Variants in CEP126 observed in about 807,000 individuals in gnomAD.
The protein encoded by CEP126 is centrosomal protein 126.
Under a neutral mutation model 107.8 loss-of-function variants are expected in CEP126, and 74 were observed. That is an observed-to-expected ratio of 0.69 (90% confidence interval 0.57 to 0.83). The LOEUF (loss-of-function observed/expected upper bound fraction) is 0.83. Ranked by LOEUF, CEP126 falls within the 40% of genes least tolerant of loss-of-function variation. The pLI is 0.00. For missense variants in CEP126, 1,237 were observed against 1,281.9 expected (o/e 0.96, Z 0.53); for synonymous variants, 449 against 446.0 (o/e 1.01, Z -0.08).
At chr11:101,927,878 G>T (rs999896690) in intron 2 of CEP126, among the ~76,000 whole-genome samples, 17 of 152,134 alleles carry the variant, frequency 1.1e-4, no homozygotes, top group Admixed American at 3.3e-4. Context: ...ACAGGTTTTT[G>T]TATAAACATA....
intron 2 of CEP126, among the ~76,000 whole-genome samples, chr11:101,928,972 G>C (rs1391428833): frequency 1.3e-5 from 2 of 152,188 alleles, no homozygotes; most frequent in Non-Finnish European, 2.9e-5. Context: ...AATGTGGGAT[G>C]GGGAAAACTG....
In CEP126 at chr11:101,948,041, A is replaced by C. The variant is rs773031488; in HGVS notation, c.405A>C (p.Lys135Asn). 1 of 1,607,752 alleles carries C rather than the reference A, an allele frequency of 6.2e-7. No homozygotes were observed. The highest frequency in any genetic ancestry group is 1.1e-5 in the South Asian group (1 of 90,362). ...TTATTATCTCTTTAGTTTCCCGAAA[A>C]CCAGTTCCTCCATTAGAAGAGGCCC... ...LSQRRKAVSR[K>N]PVPPLEEALK... Residue 135 changes from lysine to asparagine, a missense_variant, in exon 4 of 11, where the codon AAA (lysine) becomes AAC (asparagine). By Grantham distance (94) the Lys-to-Asn change is moderately conservative (BLOSUM62 0). Transcript: ENST00000263468.
chr11:101,986,504 A>T (rs977526959), intron 8 of CEP126, among the ~76,000 whole-genome samples: 5 of 152,120 alleles, frequency 3.3e-5, no homozygotes, highest in African/African-American at 1.2e-4. Context: ...AGTCTTCTTC[A>T]TCTTTTTTGT....
At chr11:101,929,568 T>C (rs925033913) in intron 2 of CEP126, among the ~76,000 whole-genome samples, 4 of 152,224 alleles carry the variant, frequency 2.6e-5, no homozygotes, top group Middle Eastern at 3.4e-3. Context: ...TGCTGGATGG[T>C]AGTGAAAGTC....
chr11:101,955,357 A>G (rs1940871120), intron 4 of CEP126, among the ~76,000 whole-genome samples: 1 of 152,266 alleles, frequency 6.6e-6, no homozygotes, highest in South Asian at 2.1e-4. Context: ...AAACTTTAAT[A>G]AAATGATACT....
In CEP126 at chr11:101,963,611, C is replaced by A; in HGVS notation, c.2576C>A (p.Ser859Tyr). ...AATCAGTGGAATCAGGAAAGTAGTT[C>A]TCCACTCTCAAATGCTTGTTCTGAC... Reference protein sequence around the residue: ...SLNQWNQESSSPLSNACSDLV... With the variant: ...SLNQWNQESSYPLSNACSDLV... Residue 859 changes from serine (S) to tyrosine (Y), a missense_variant, in exon 6 of 11, where the codon TCT becomes TAT. Coordinates refer to ENST00000263468, the MANE Select transcript of CEP126 (RefSeq NM_020802.4). The A allele has an allele frequency of 6.2e-7, 1 of 1,614,056 alleles. No individual in the cohort carries two copies. Among genetic ancestry groups the A allele is most frequent in the Non-Finnish European group, 8.5e-7 (1 of 1,179,968 alleles).
In CEP126 at chr11:101,932,133, A is replaced by G. The variant is rs567512399; in HGVS notation, c.248+9373A>G. 5.3e-5 allele frequency among the ~76,000 whole-genome samples: 8 copies of G among 152,336 alleles called. No individual in the cohort carries two copies. The East Asian group carries it at 9.6e-4, about 18-fold the overall frequency. On this transcript the variant is annotated intron_variant, in intron 2 of 10. Transcript: ENST00000263468. ...GAAAATCTTTCTCATTTTTATTGCC[A>G]TTTCCTTCTATTCTCACAGCATTTA...
At chr11:101,946,239 C>T (rs1451730362) in intron 3 of CEP126, among the ~76,000 whole-genome samples, 1 of 152,072 alleles carries the variant, frequency 6.6e-6, no homozygotes, top group Admixed American at 6.5e-5. Flanking sequence ...GCCGAGGTGG[C>T]TTATGCCTGT....
chr11:101,985,109 T>A (rs1428855825), intron 8 of CEP126, among the ~76,000 whole-genome samples: 2 of 151,330 alleles, frequency 1.3e-5, no homozygotes, highest in Non-Finnish European at 3.0e-5. Context: ...GAGTCAGGAA[T>A]AACAGTGATA....
intron 2 of CEP126, 84 bp from the exon 3 acceptor site, chr11:101,944,178 CATT>C (rs946431481): frequency 5.9e-5 from 71 of 1,201,140 alleles, no homozygotes; most frequent in Admixed American, 3.1e-4. Flanking sequence ...AATATGAAAA[CATT>C]GTTATATAAT....
Position 101,985,989 on chromosome 11 carries a change from TTTC to T in CEP126, c.3035-840_3035-838del, listed in dbSNP as rs1347221277. Among the ~76,000 whole-genome samples, 132 of 106,368 alleles carry T rather than the reference TTTC, an allele frequency of 1.2e-3. 3 individuals are homozygous for T. The highest frequency in any genetic ancestry group is 4.6e-3 in the African/African-American group (116 of 25,080). The allele number at this position is 106,368 out of a possible 152,430, so 69.8% of individuals were successfully genotyped here. A position where few individuals can be genotyped will look rare whatever the true frequency, so the allele number is the denominator to read the frequency against. On this transcript the variant is annotated intron_variant, in intron 8 of 10. Transcript: ENST00000263468. The stretch of plus-strand genomic sequence containing the variant: ...AGTGGGAAGTAAAACTCTGAATTGA[TTTC>T]TTTTTTTTTTTTTTTTTTTTGAGAC...
rs1041880036 is a variant in CEP126 at position 101,962,520 on chromosome 11, T to C, written c.1485T>C (p.Asp495=). The C allele has an allele frequency of 1.2e-6, 2 of 1,613,052 alleles. No homozygotes were observed. The highest frequency in any genetic ancestry group is 1.7e-5 in the Admixed American group (1 of 59,864). ...IDAVQCSDKL[D]ELKDGKEEEI... ...CAGTGCAGTGTTCTGATAAGTTAGA[T>C]GAATTGAAAGATGGTAAAGAAGAAG... is the stretch of plus-strand genomic sequence containing the variant. Residue 495 remains aspartate, a synonymous_variant, in exon 6 of 11, where the codon GAT becomes GAC. Transcript: ENST00000263468.
At chr11:101,957,918 C>G (rs1940920747) in intron 4 of CEP126, among the ~76,000 whole-genome samples, 1 of 152,152 alleles carries the variant, frequency 6.6e-6, no homozygotes, top group Admixed American at 6.5e-5. Flanking sequence ...TAATCAAAGC[C>G]ATGAATTACT....
intron 2 of CEP126, among the ~76,000 whole-genome samples, chr11:101,932,848 C>T (rs1400065814): frequency 6.6e-6 from 1 of 152,090 alleles, no homozygotes; most frequent in Non-Finnish European, 1.5e-5. Context: ...TAGCTTGCCT[C>T]ACTAAATAAT....
intron 8 of CEP126, among the ~76,000 whole-genome samples, chr11:101,982,977 C>T (rs1941274587): frequency 6.6e-6 from 1 of 152,116 alleles, no homozygotes; most frequent in South Asian, 2.1e-4. Flanking sequence ...TATATCTTTC[C>T]CATGCACACC....
chr11:101,945,934 G>T (rs1940730015), intron 3 of CEP126, among the ~76,000 whole-genome samples: 1 of 152,110 alleles, frequency 6.6e-6, no homozygotes, highest in Admixed American at 6.5e-5. Flanking sequence ...ATTAGGTGGG[G>T]AACTAGGGGT....
intron 2 of CEP126, among the ~76,000 whole-genome samples, chr11:101,935,561 C>T (rs916855900): frequency 6.6e-6 from 1 of 151,942 alleles, no homozygotes; most frequent in Non-Finnish European, 1.5e-5. Flanking sequence ...TTAGTTGCTC[C>T]AGCACCATTT....
Position 101,986,846 on chromosome 11 carries a change from T to A in CEP126, c.3049T>A (p.Ser1017Thr). ...AGTTTCTGTAGTTTCAGATAGTACT[T>A]CTGAGTTTTTGATGGCTGAAAACTT... The part of the protein sequence containing the change: ...SYIEEVSDST[S>T]EFLMAENLVK... Residue 1017 changes from serine to threonine, a missense_variant, in exon 9 of 11, where the codon TCT becomes ACT. Coordinates refer to ENST00000263468, the MANE Select transcript of CEP126 (RefSeq NM_020802.4). The A allele has an allele frequency of 6.2e-7, 1 of 1,613,692 alleles. No individual in the cohort carries two copies. The highest frequency in any genetic ancestry group is 8.5e-7 in the Non-Finnish European group (1 of 1,179,740).
At chr11:101,955,616 G>A (rs1439054236) in intron 4 of CEP126, among the ~76,000 whole-genome samples, 3 of 152,260 alleles carry the variant, frequency 2.0e-5, no homozygotes, top group Admixed American at 6.5e-5. Flanking sequence ...AGCTATGTAC[G>A]TTTTTCAGTA....
Sources: gnomAD v4.1 joint callset for allele counts (sites outside exome capture counted in the v4.1 genomes callset) on GRCh38, gnomAD v4.1.1 for gene constraint, MANE v1.5 for transcripts, NCBI Gene and HGNC (gene_info 2026-07-23, HGNC 2026-07-21) for gene names.